Variants in TRPM3 observed in about 807,000 individuals in gnomAD.
TRPM3 encodes transient receptor potential cation channel subfamily M member 3, also known as long transient receptor potential channel 3.
Under a neutral mutation model 181.2 loss-of-function variants are expected in TRPM3, and 77 were observed. The ratio of observed to expected loss-of-function variants is 0.42; its 90% confidence interval spans 0.35 to 0.51. The LOEUF (loss-of-function observed/expected upper bound fraction) is 0.51. Among genes scored for constraint, TRPM3 ranks in the 20% least tolerant of loss-of-function variants. TRPM3 has a pLI of 0.01. For missense variants in TRPM3, 1,759 were observed against 2,196.7 expected (o/e 0.80, Z 3.98); for synonymous variants, 745 against 796.4 (o/e 0.94, Z 1.09).
At chr9:71,105,543 TG>T (rs2069320286) in intron 1 of TRPM3, among the ~76,000 whole-genome samples, 1 of 152,124 alleles carries the variant, frequency 6.6e-6, no homozygotes, top group South Asian at 2.1e-4. Flanking sequence ...TTCAGTGGAC[TG>T]TAAGCTATGG....
At chr9:71,328,792 T>C (rs1426367407) in intron 1 of TRPM3, among the ~76,000 whole-genome samples, 3 of 152,244 alleles carry the variant, frequency 2.0e-5, no homozygotes, top group Non-Finnish European at 4.4e-5. Flanking sequence ...GATATTTTTA[T>C]ATTTTTATGT....
intron 1 of TRPM3, among the ~76,000 whole-genome samples, chr9:70,919,162 A>C (rs1327367535): frequency 6.6e-6 from 1 of 152,150 alleles, no homozygotes; most frequent in Non-Finnish European, 1.5e-5. Flanking sequence ...CCCTCAGTAA[A>C]AAATCTTCTA....
intron 7 of TRPM3, among the ~76,000 whole-genome samples, chr9:70,778,488 T>C (rs535103901): frequency 6.6e-6 from 1 of 152,314 alleles, no homozygotes; most frequent in East Asian, 1.9e-4. Flanking sequence ...AAAATAACCC[T>C]TTTTATAGAT....
intron 1 of TRPM3, among the ~76,000 whole-genome samples, chr9:71,143,133 G>GA (rs1168348435): frequency 0.015 from 1,602 of 108,762 alleles, 13 homozygotes; most frequent in Middle Eastern, 0.024. Context: ...CCAAAAAAAA[G>GA]AAAAAAAAAA....
intron 1 of TRPM3, chr9:70,917,007 G>T: frequency 3.2e-6 from 5 of 1,565,120 alleles, no homozygotes; most frequent in South Asian, 1.1e-5. Context: ...GAAGTCCTGG[G>T]ACAAACAAGG....
At chr9:71,085,111 C>A (rs1409376353) in intron 1 of TRPM3, among the ~76,000 whole-genome samples, 2 of 151,986 alleles carry the variant, frequency 1.3e-5, no homozygotes, top group Admixed American at 1.3e-4. Context: ...CTACTTTTCA[C>A]CATATACAAA....
intron 24 of TRPM3, among the ~76,000 whole-genome samples, chr9:70,550,348 G>A (rs1052699060): frequency 7.9e-5 from 12 of 152,228 alleles, no homozygotes; most frequent in Admixed American, 2.6e-4. Context: ...CATCTATTTT[G>A]TGACCATGAA....
chr9:71,289,478 A>G (rs530487834), intron 1 of TRPM3, among the ~76,000 whole-genome samples: 22 of 152,200 alleles, frequency 1.4e-4, no homozygotes, highest in Non-Finnish European at 2.6e-4. Flanking sequence ...ACTGAGGAGC[A>G]AGGAGATACA....
chr9:70,565,049 C>T (rs1362730041), intron 22 of TRPM3, among the ~76,000 whole-genome samples: 1 of 152,162 alleles, frequency 6.6e-6, no homozygotes, highest in Non-Finnish European at 1.5e-5. Context: ...CTCAAACAAC[C>T]AAGAATCCAG....
chr9:70,897,713 G>A (rs1451906742), intron 1 of TRPM3, among the ~76,000 whole-genome samples: 2 of 152,098 alleles, frequency 1.3e-5, no homozygotes, highest in Non-Finnish European at 1.5e-5. Context: ...GTATGCTAAA[G>A]GCTTGAAAGA....
At chr9:70,700,394 A>G (rs1406417482) in intron 8 of TRPM3, among the ~76,000 whole-genome samples, 1 of 152,204 alleles carries the variant, frequency 6.6e-6, no homozygotes, top group Non-Finnish European at 1.5e-5. Flanking sequence ...AGCCCAGGGC[A>G]GGACCCTGGA....
rs77034257 is a variant in TRPM3 at position 71,094,646 on chromosome 9, T to G, written c.177+26532A>C. Among the ~76,000 whole-genome samples, 752 of 152,236 alleles carry G rather than the reference T, an allele frequency of 4.9e-3. 19 individuals are homozygous for G. The East Asian group carries it at 0.078, about 16-fold the overall frequency. ...AAAATCTAGCTCTATAAACTTAATTTTCTTATAGGGAAAGAGAGCAATCTT... is the reference window on the plus strand; with the variant it reads ...AAAATCTAGCTCTATAAACTTAATTGTCTTATAGGGAAAGAGAGCAATCTT... On this transcript the variant is annotated intron_variant, in intron 1 of 25. Transcript: ENST00000677713.
chr9:70,885,412 T>C (rs983542012), intron 1 of TRPM3, among the ~76,000 whole-genome samples: 2 of 152,222 alleles, frequency 1.3e-5, no homozygotes, highest in Non-Finnish European at 2.9e-5. Flanking sequence ...TGAAAACCAT[T>C]GTTCCTAAAC....
intron 1 of TRPM3, among the ~76,000 whole-genome samples, chr9:71,341,047 A>T (rs1207627185): frequency 6.6e-6 from 1 of 152,152 alleles, no homozygotes; most frequent in Non-Finnish European, 1.5e-5. Flanking sequence ...AAGATATATT[A>T]TTGTAATAAT....
intron 1 of TRPM3, among the ~76,000 whole-genome samples, chr9:71,439,905 G>A (rs182512187): frequency 6.0e-4 from 92 of 152,166 alleles, no homozygotes; most frequent in African/African-American, 2.1e-3. Context: ...CAGATCACGA[G>A]GTCAGGAGAT....
chr9:71,021,391 A>G (rs992176724), intron 1 of TRPM3, among the ~76,000 whole-genome samples: 1 of 152,210 alleles, frequency 6.6e-6, no homozygotes, highest in Non-Finnish European at 1.5e-5. Flanking sequence ...AACTCAATAA[A>G]AAGTGTGTTA....
intron 1 of TRPM3, among the ~76,000 whole-genome samples, chr9:70,972,117 T>C (rs933420596): frequency 2.6e-5 from 4 of 152,202 alleles, no homozygotes; most frequent in African/African-American, 7.2e-5. Flanking sequence ...CATATTTTCA[T>C]GTCTAAACTT....
intron 1 of TRPM3, among the ~76,000 whole-genome samples, chr9:71,181,567 T>C (rs1270990438): frequency 6.6e-6 from 1 of 152,102 alleles, no homozygotes; most frequent in Non-Finnish European, 1.5e-5. Context: ...TGCTGCGGAA[T>C]ACAATGAGAA....
intron 1 of TRPM3, among the ~76,000 whole-genome samples, chr9:71,034,548 G>T (rs1223817945): frequency 6.6e-6 from 1 of 152,070 alleles, no homozygotes; most frequent in Non-Finnish European, 1.5e-5. Context: ...GTGTAAGGGT[G>T]GGGTGTGCAG....
Sources: gnomAD v4.1 joint callset for allele counts (sites outside exome capture counted in the v4.1 genomes callset) on GRCh38, gnomAD v4.1.1 for gene constraint, MANE v1.5 for transcripts, NCBI Gene and HGNC (gene_info 2026-07-23, HGNC 2026-07-21) for gene names.